The following TENM2 variants were observed in gnomAD, a reference collection of about 807,000 sequenced individuals.
TENM2 encodes teneurin transmembrane protein 2.
TENM2 carries 52 observed loss-of-function variants against 245.2 expected under a neutral mutation model. The observed-to-expected ratio is 0.21, with a 90% confidence interval of 0.17 to 0.27. The LOEUF (loss-of-function observed/expected upper bound fraction) is 0.27, where lower values mean the gene tolerates loss of function less well. Among genes scored for constraint, TENM2 ranks in the 10% least tolerant of loss-of-function variants. The probability of loss-of-function intolerance (pLI) is 1.00; values close to 1 mark genes in which losing one functional copy is unlikely to be tolerated. For missense variants in TENM2, 3,046 were observed against 3,666.8 expected (o/e 0.83, Z 4.37); for synonymous variants, 1,363 against 1,438.9 (o/e 0.95, Z 1.19).
intron 2 of TENM2, among the ~76,000 whole-genome samples, chr5:167,690,006 C>T (rs987550850): frequency 6.6e-5 from 10 of 151,622 alleles, no homozygotes; most frequent in African/African-American, 2.4e-4. Flanking sequence ...TTTTGGTTTG[C>T]CATAATTTTG....
intron 12 of TENM2, among the ~76,000 whole-genome samples, chr5:168,127,549 CA>C (rs1212789172): frequency 6.6e-6 from 1 of 152,192 alleles, no homozygotes. Context: ...ATTTAAAGGT[CA>C]TTTTCTTTGT....
intron 2 of TENM2, among the ~76,000 whole-genome samples, chr5:167,608,841 C>A (rs190842727): frequency 6.6e-6 from 1 of 152,276 alleles, no homozygotes; most frequent in East Asian, 1.9e-4. Context: ...ATGGGACACC[C>A]AAACGCCTTC....
intron 12 of TENM2, among the ~76,000 whole-genome samples, chr5:168,132,115 G>T (rs1284028874): frequency 1.3e-5 from 2 of 151,802 alleles, no homozygotes; most frequent in African/African-American, 4.8e-5. Context: ...TTTGAGTCTG[G>T]GTCAGACAGT....
chr5:167,465,578 C>T (rs1766590239), intron 2 of TENM2, among the ~76,000 whole-genome samples: 1 of 152,292 alleles, frequency 6.6e-6, no homozygotes, highest in East Asian at 1.9e-4. Context: ...GCCTGTAATC[C>T]CAGCGCTTTG....
intron 6 of TENM2, among the ~76,000 whole-genome samples, chr5:168,054,732 T>C (rs1345278789): frequency 6.6e-6 from 1 of 152,238 alleles, no homozygotes; most frequent in African/African-American, 2.4e-5. Context: ...CAGTCGTGTT[T>C]AACTGGTTGA....
chr5:167,768,549 C>T (rs372204500), intron 2 of TENM2, among the ~76,000 whole-genome samples: 8 of 152,192 alleles, frequency 5.3e-5, no homozygotes, highest in Non-Finnish European at 1.0e-4. Flanking sequence ...GATGTTTCCA[C>T]GATTATCTCA....
the TENM2 span, among the ~76,000 whole-genome samples, chr5:167,108,646 C>G: frequency 1.3e-3 from 203 of 152,314 alleles, no homozygotes; most frequent in African/African-American, 4.4e-3. Flanking sequence ...TTGTCCCAAA[C>G]AAGAAGAATG....
chr5:167,880,849 G>T (rs1054628470), intron 3 of TENM2, among the ~76,000 whole-genome samples: 4 of 152,170 alleles, frequency 2.6e-5, no homozygotes, highest in Non-Finnish European at 1.5e-5. Context: ...TGCCCTATAG[G>T]CAATAGACCT....
intron 2 of TENM2, among the ~76,000 whole-genome samples, chr5:167,623,962 G>C (rs756621302): frequency 6.6e-6 from 1 of 152,070 alleles, no homozygotes; most frequent in South Asian, 2.1e-4. Context: ...ACTCTTATAC[G>C]CTGTTGGTGA....
chr5:168,088,515 A>G (rs995810301), intron 7 of TENM2, among the ~76,000 whole-genome samples: 8 of 152,222 alleles, frequency 5.3e-5, no homozygotes, highest in African/African-American at 1.9e-4. Flanking sequence ...GTGTGAAACT[A>G]GAACCACGCA....
At chr5:167,448,822 G>T (rs1006334156) in intron 2 of TENM2, among the ~76,000 whole-genome samples, 1 of 151,862 alleles carries the variant, frequency 6.6e-6, no homozygotes, top group South Asian at 2.1e-4. Context: ...AGTTTCCATG[G>T]TGGCTGAAGG....
chr5:167,060,965 A>C, the TENM2 span, among the ~76,000 whole-genome samples: 1 of 152,084 alleles, frequency 6.6e-6, no homozygotes, highest in Non-Finnish European at 1.5e-5. Context: ...CCAGACTTAC[A>C]GAATTAGAAT....
At chr5:167,371,339 T>G (rs968340506) in intron 1 of TENM2, among the ~76,000 whole-genome samples, 4 of 149,934 alleles carry the variant, frequency 2.7e-5, no homozygotes, top group African/African-American at 7.4e-5. Flanking sequence ...TCCCTGTTTT[T>G]TTTTTTTTTC....
At chr5:167,560,419 T>C (rs1773512304) in intron 2 of TENM2, among the ~76,000 whole-genome samples, 1 of 152,152 alleles carries the variant, frequency 6.6e-6, no homozygotes, top group African/African-American at 2.4e-5. Flanking sequence ...AGCACAGTGG[T>C]ACTTGATCAA....
intron 2 of TENM2, among the ~76,000 whole-genome samples, chr5:167,595,710 C>T (rs1463649119): frequency 6.6e-6 from 1 of 152,164 alleles, no homozygotes; most frequent in Non-Finnish European, 1.5e-5. Flanking sequence ...AAACATGACA[C>T]ACAAACTAAC....
chr5:167,466,139 G>C (rs1301071973), intron 2 of TENM2, among the ~76,000 whole-genome samples: 1 of 152,130 alleles, frequency 6.6e-6, no homozygotes, highest in Admixed American at 6.5e-5. Context: ...GATAAAGCTC[G>C]TTCCTACGAA....
At chr5:168,225,925 GGGCATAATA>G (rs1764139119) in intron 23 of TENM2, among the ~76,000 whole-genome samples, 154 bp from the exon 26 acceptor site, 2 of 152,028 alleles carry the variant, frequency 1.3e-5, no homozygotes, top group South Asian at 2.1e-4. Context: ...CTGTTTCTCC[GGGCATAATA>G]GGGTTTTGAC....
At chr5:168,009,203 T>C (rs1785046229) in intron 5 of TENM2, among the ~76,000 whole-genome samples, 1 of 152,216 alleles carries the variant, frequency 6.6e-6, no homozygotes, top group South Asian at 2.1e-4. Flanking sequence ...AAATGTGGCA[T>C]GTGGTCCTGG....
intron 2 of TENM2, among the ~76,000 whole-genome samples, chr5:167,773,753 A>G (rs2150780941): frequency 6.6e-6 from 1 of 152,146 alleles, no homozygotes; most frequent in Non-Finnish European, 1.5e-5. Flanking sequence ...GAAGCCAGAG[A>G]GATGGAGTGA....
Sources: allele counts gnomAD v4.1 joint callset (sites outside exome capture counted in the v4.1 genomes callset), GRCh38; gene constraint gnomAD v4.1.1; transcripts MANE v1.5; gene names NCBI Gene and HGNC (gene_info 2026-07-23, HGNC 2026-07-21).